The following CFAP47 variants were observed in gnomAD, a reference collection of about 807,000 sequenced individuals.
CFAP47 encodes cilia and flagella associated protein 47.
CFAP47 carries 29 observed loss-of-function variants against 148.1 expected under a neutral mutation model. That is an observed-to-expected ratio of 0.20 (90% CI 0.15 to 0.27). CFAP47 has a LOEUF of 0.27. Ranked by LOEUF, CFAP47 falls within the 10% of genes least tolerant of loss-of-function variation. CFAP47 has a pLI of 1.00. For synonymous variants in CFAP47, 664 were observed against 577.3 expected (o/e 1.15, Z -2.15); for missense variants, 1,872 against 1,697.5 (o/e 1.10, Z -1.81).
At chrX:36,041,240 T>C (rs1457444963) in intron 25 of CFAP47, among the ~76,000 whole-genome samples, 1 of 110,751 alleles carries the variant, frequency 9.0e-6, no homozygotes, top group Non-Finnish European at 1.9e-5. Context: ...ACAGTGAAGT[T>C]GACAAGGAAC....
intron 62 of CFAP47, among the ~76,000 whole-genome samples, chrX:36,376,221 C>T (rs1356278511): frequency 8.9e-6 from 1 of 112,189 alleles, no homozygotes; most frequent in African/African-American, 3.2e-5. Flanking sequence ...CTTTTCTGGA[C>T]TTGTTCATGT....
At chrX:35,969,906 TG>T (rs1936462717) in intron 10 of CFAP47, among the ~76,000 whole-genome samples, 1 of 111,930 alleles carries the variant, frequency 8.9e-6, no homozygotes, top group Non-Finnish European at 1.9e-5. Flanking sequence ...TTCATACTTA[TG>T]TTTTTTTTCT....
chrX:36,099,769 C>A lies in CFAP47; in HGVS notation c.5017C>A (p.Pro1673Thr), dbSNP rs750954551. Residue 1673 changes from proline (P) to threonine (T), a missense_variant, in exon 32 of 64, where the codon CCT becomes ACT. Transcript: ENST00000378653. ...CTTAAAGTCTTCCACTAATACGATG[C>A]CTGTGAGTTCCTGTACACCTAAGAA... ...IEIMSSTNTM[P>T]VSSCTPKKKC... The A allele has an allele frequency of 2.4e-6, 2 of 836,633 alleles. No individual in the cohort carries two copies. Among genetic ancestry groups the A allele is most frequent in the Non-Finnish European group, 3.6e-6 (2 of 563,091 alleles). 68.9% of individuals were successfully genotyped at this position (836,633 alleles called of 1,213,427 possible). A position where few individuals can be genotyped will look rare whatever the true frequency, so the allele number is the denominator to read the frequency against.
intron 21 of CFAP47, among the ~76,000 whole-genome samples, chrX:36,011,344 A>G (rs959228070): frequency 8.9e-6 from 1 of 111,947 alleles, no homozygotes; most frequent in Non-Finnish European, 1.9e-5. Flanking sequence ...TCAGACAAAG[A>G]TGAAAGTTTA....
chrX:36,161,514 A>G (rs1939430112), intron 39 of CFAP47, among the ~76,000 whole-genome samples: 1 of 111,894 alleles, frequency 8.9e-6, no homozygotes, highest in African/African-American at 3.2e-5. Context: ...AATAATAACA[A>G]AAATACATAT....
chrX:36,353,386 T>C, intron 59 of CFAP47, 143 bp from the exon 60 acceptor site: 1 of 456,636 alleles, frequency 2.2e-6, no homozygotes, highest in Non-Finnish European at 3.8e-6. Context: ...TGTGTGTGTA[T>C]GTGTGTATGT....
intron 39 of CFAP47, among the ~76,000 whole-genome samples, chrX:36,178,134 G>A (rs1305300408): frequency 2.7e-5 from 3 of 111,182 alleles, no homozygotes; most frequent in Admixed American, 1.9e-4. Flanking sequence ...CAAACATTGG[G>A]TACACATGGA....
Position 36,173,605 on chromosome X carries a change from C to T in CFAP47, c.6027-5740C>T, listed in dbSNP as rs937129359. 5.4e-5 allele frequency among the ~76,000 whole-genome samples: 6 copies of T among 111,551 alleles called. No individual in the cohort carries two copies. The East Asian group carries it at 1.1e-3, about 21-fold the overall frequency. On this transcript the variant is annotated intron_variant, in intron 39 of 63. Coordinates refer to ENST00000378653, the MANE Select transcript of CFAP47 (RefSeq NM_001304548.2). ...GTTGTTCAGTTTCCATGTAGTTGAG[C>T]GGTTTTGAGTGAGATTCTTAATCCT...
At chrX:36,344,906 C>A (rs781944340) in intron 57 of CFAP47, among the ~76,000 whole-genome samples, 1 of 111,711 alleles carries the variant, frequency 9.0e-6, no homozygotes, top group South Asian at 3.7e-4. Context: ...ATAACATTTG[C>A]ACTTATGACC....
At chrX:36,025,407 G>A in intron 22 of CFAP47, among the ~76,000 whole-genome samples, 1 of 110,355 alleles carries the variant, frequency 9.1e-6, no homozygotes, top group Non-Finnish European at 1.9e-5. Context: ...GCTAAGGCTA[G>A]AGGGTCCCTT....
chrX:36,062,335 A>C (rs1368084571), intron 26 of CFAP47, among the ~76,000 whole-genome samples: 2 of 111,771 alleles, frequency 1.8e-5, no homozygotes, highest in African/African-American at 3.2e-5. Flanking sequence ...AAAATATTAT[A>C]AATACAAGGC....
At chrX:36,370,947 A>C (rs7062143) in intron 62 of CFAP47, among the ~76,000 whole-genome samples, 8,755 of 111,007 alleles carry the variant, frequency 0.079, 710 homozygotes, top group African/African-American at 0.24. Context: ...GACAAACCCC[A>C]TGGTGGTAGC....
chrX:35,988,817 GC>G (rs1936752322), intron 15 of CFAP47, among the ~76,000 whole-genome samples: 1 of 111,949 alleles, frequency 8.9e-6, no homozygotes. Context: ...ATTACCGATA[GC>G]TAAATCAGAA....
intron 27 of CFAP47, among the ~76,000 whole-genome samples, chrX:36,070,900 A>T (rs1057026149): frequency 5.4e-5 from 6 of 112,020 alleles, no homozygotes; most frequent in African/African-American, 6.5e-5. Flanking sequence ...TGATCCAAGG[A>T]TTACTACCCT....
chrX:35,924,148 T>C (rs1183146465), intron 1 of CFAP47, among the ~76,000 whole-genome samples: 4 of 98,100 alleles, frequency 4.1e-5, no homozygotes, highest in African/African-American at 8.6e-5. Flanking sequence ...TGTACATGTA[T>C]GCGTACATAT....
At chrX:36,085,762 G>A (rs1480626303) in intron 30 of CFAP47, among the ~76,000 whole-genome samples, 1 of 108,041 alleles carries the variant, frequency 9.3e-6, no homozygotes, top group Admixed American at 1.0e-4. Flanking sequence ...ATGCTTAATA[G>A]CCAATAAGCA....
chrX:36,087,749 C>T (rs1040040843), intron 30 of CFAP47, among the ~76,000 whole-genome samples: 2 of 111,556 alleles, frequency 1.8e-5, no homozygotes, highest in Non-Finnish European at 3.8e-5. Context: ...GAAATTGCAT[C>T]GCAGGACATT....
At chrX:36,049,513 C>CACAA (rs1555966636) in intron 26 of CFAP47, among the ~76,000 whole-genome samples, 2 of 109,864 alleles carry the variant, frequency 1.8e-5, no homozygotes, top group Non-Finnish European at 3.8e-5. Context: ...CACACACACA[C>CACAA]ACACACACAC....
At chrX:35,984,656 T>C (rs1474454786) in intron 15 of CFAP47, among the ~76,000 whole-genome samples, 1 of 111,965 alleles carries the variant, frequency 8.9e-6, no homozygotes, top group Non-Finnish European at 1.9e-5. Context: ...GTTGTATTTT[T>C]TTCTCATTAG....
Sources: allele counts gnomAD v4.1 joint callset (sites outside exome capture counted in the v4.1 genomes callset), GRCh38; gene constraint gnomAD v4.1.1; transcripts MANE v1.5; gene names NCBI Gene and HGNC (gene_info 2026-07-23, HGNC 2026-07-21).